The following ATP10A variants were observed in gnomAD, a reference collection of about 807,000 sequenced individuals.
ATP10A encodes ATPase phospholipid transporting 10A (putative), also known as phospholipid-transporting ATPase VA.
Under a neutral mutation model 147.8 loss-of-function variants are expected in ATP10A, and 111 were observed. That is an observed-to-expected ratio of 0.75 (90% CI 0.64 to 0.88). The LOEUF is 0.88. Among genes scored for constraint, ATP10A ranks in the 40% least tolerant of loss-of-function variants. The pLI is 0.00. For missense variants in ATP10A, 1,927 were observed against 1,959.0 expected, an observed-to-expected ratio of 0.98 and a Z score of 0.31; for synonymous variants, 875 against 841.6, an observed-to-expected ratio of 1.04 and a Z score of -0.69.
chr15:25,725,145 G>A (rs974929938), intron 5 of ATP10A, among the ~76,000 whole-genome samples: 16 of 152,142 alleles, frequency 1.1e-4, no homozygotes, highest in African/African-American at 3.1e-4. Flanking sequence ...ACAGGAGCAC[G>A]AACCCTATTG....
rs574704202 is a variant in ATP10A, at chr15:25,690,978, C to T, written c.3165+737G>A. 4.8e-4 allele frequency among the ~76,000 whole-genome samples: 73 copies of T among 152,280 alleles called. No homozygotes were observed. In the South Asian group the frequency reaches 0.015, roughly 31 times the overall value. ...CATCAGCTAAAACTATTAATGAGCTCTGCACAGGCCTGACATGTAGCACAT... is the reference window on the plus strand; with the variant it reads ...CATCAGCTAAAACTATTAATGAGCTTTGCACAGGCCTGACATGTAGCACAT... On this transcript the variant is annotated intron_variant, in intron 15 of 20. Coordinates refer to ENST00000555815, the MANE Select transcript of ATP10A (RefSeq NM_024490.4).
chr15:25,726,452 T>C (rs1902558192), intron 4 of ATP10A, among the ~76,000 whole-genome samples: 1 of 151,450 alleles, frequency 6.6e-6, no homozygotes, highest in South Asian at 2.1e-4. Flanking sequence ...TTTTTCTTTT[T>C]TTTTTTTGAG....
At chr15:25,698,518 T>TAACA (rs57015428) in intron 13 of ATP10A, among the ~76,000 whole-genome samples, 15,558 of 152,192 alleles carry the variant, frequency 0.1, 887 homozygotes, top group South Asian at 0.24. Context: ...GACTATTTGT[T>TAACA]ATCAGTAAGG....
intron 2 of ATP10A, among the ~76,000 whole-genome samples, chr15:25,770,696 G>A (rs1335740477): frequency 1.3e-5 from 2 of 152,154 alleles, no homozygotes; most frequent in Admixed American, 1.3e-4. Flanking sequence ...CGCTCTCACT[G>A]GCATTACTCA....
Position 25,816,928 on chromosome 15 carries a change from T to C in ATP10A, c.450-35705A>G, listed in dbSNP as rs1011867269. Among the ~76,000 whole-genome samples, 3 of 152,056 alleles carry C rather than the reference T, an allele frequency of 2.0e-5. 1 individual carries two copies. Among genetic ancestry groups the C allele is most frequent in the African/African-American group, 7.3e-5 (3 of 41,346 alleles). On this transcript the variant is annotated intron_variant, in intron 1 of 20. Coordinates refer to ENST00000555815, the MANE Select transcript of ATP10A (RefSeq NM_024490.4). ...AAAATTCTGTTGTATCTTACACTCT[T>C]GGCTATAAACGGTGTGGGCCTCTAA...
At chr15:25,829,931 T>C (rs1327290203) in intron 1 of ATP10A, among the ~76,000 whole-genome samples, 3 of 152,134 alleles carry the variant, frequency 2.0e-5, no homozygotes, top group Non-Finnish European at 4.4e-5. Context: ...CAGTCTGCTT[T>C]CTATTGTAAG....
In ATP10A at chr15:25,800,939, G is replaced by A. The variant is rs538944778; in HGVS notation, c.450-19716C>T. 5.9e-5 allele frequency among the ~76,000 whole-genome samples: 9 copies of A among 152,290 alleles called. No homozygotes were observed. The South Asian group carries it at 6.2e-4, about 11-fold the overall frequency. ...CATCTTCCTGGTGTTTGATGAACCC[G>A]CTGTACTAGATGCTGACGCTGCTCC... On this transcript the variant is annotated intron_variant, in intron 1 of 20. Transcript: ENST00000555815.
chr15:25,759,818 A>T (rs961340819), intron 2 of ATP10A, among the ~76,000 whole-genome samples: 5 of 148,718 alleles, frequency 3.4e-5, no homozygotes, highest in Non-Finnish European at 6.0e-5. Context: ...AAAAAAAAAT[A>T]GTGAAAAGTT....
rs113406342 is a variant in ATP10A, at chr15:25,833,988, CA to C, written c.449+28659del. Among the ~76,000 whole-genome samples, 33 of 143,340 alleles carry C rather than the reference CA, an allele frequency of 2.3e-4. 1 individual carries two copies. The Middle Eastern group carries it at 0.018, about 79-fold the overall frequency. 94.0% of individuals were successfully genotyped at this position (143,340 alleles called of 152,430 possible). A position where few individuals can be genotyped will look rare whatever the true frequency, so the allele number is the denominator to read the frequency against. On this transcript the variant is annotated intron_variant, in intron 1 of 20. Transcript: ENST00000555815. Reference sequence around the variant, plus strand: ...CTGTGTCTCAAAAAAAACGAACAAACAAAAAAAAAACAAACTACTCTCTCAG... The same window carrying C: ...CTGTGTCTCAAAAAAAACGAACAAACAAAAAAAAACAAACTACTCTCTCAG...
intron 6 of ATP10A, among the ~76,000 whole-genome samples, chr15:25,722,637 G>A (rs1360755217): frequency 1.3e-5 from 2 of 152,218 alleles, no homozygotes; most frequent in Admixed American, 1.3e-4. Flanking sequence ...ACCAGCTACA[G>A]TCCTAACTCG....
In ATP10A at chr15:25,701,118, C is replaced by T. The variant is rs536058847; in HGVS notation, c.2760+798G>A. 7.2e-5 allele frequency among the ~76,000 whole-genome samples: 11 copies of T among 152,260 alleles called. No homozygotes were observed. The South Asian group carries it at 8.3e-4, about 11-fold the overall frequency. On this transcript the variant is annotated intron_variant, in intron 13 of 20. Coordinates refer to ENST00000555815, the MANE Select transcript of ATP10A (RefSeq NM_024490.4). ...AATGGCGTCTGTACAATGTGGACAA[C>T]GGGGCTTGAAAGGCAGCCTTTCCTA...
At chr15:25,703,939 C>T (rs1237670492) in intron 12 of ATP10A, among the ~76,000 whole-genome samples, 2 of 152,242 alleles carry the variant, frequency 1.3e-5, no homozygotes, top group Non-Finnish European at 2.9e-5. Context: ...ACCTTATAAC[C>T]TGAGTACCCT....
At chr15:25,749,637 C>G (rs766950760) in intron 2 of ATP10A, among the ~76,000 whole-genome samples, 8 of 152,146 alleles carry the variant, frequency 5.3e-5, no homozygotes, top group Non-Finnish European at 8.8e-5. Context: ...AGAAAGAAAA[C>G]TAGGCCCATA....
At chr15:25,714,824 A>G (rs920424983) in intron 9 of ATP10A, among the ~76,000 whole-genome samples, 1 of 152,150 alleles carries the variant, frequency 6.6e-6, no homozygotes, top group East Asian at 1.9e-4. Flanking sequence ...AATTATGTCT[A>G]TAAAAATTTA....
intron 13 of ATP10A, among the ~76,000 whole-genome samples, chr15:25,698,861 C>T (rs1396948810): frequency 1.3e-5 from 2 of 152,028 alleles, no homozygotes; most frequent in Non-Finnish European, 2.9e-5. Context: ...AGTTGAGGAG[C>T]ATCAGTGCTT....
In ATP10A at chr15:25,680,826, A is replaced by T; in HGVS notation, c.3662T>A (p.Ile1221Asn). 6.2e-7 allele frequency: 1 copy of T among 1,613,484 alleles called. No homozygotes were observed. Among genetic ancestry groups the T allele is most frequent in the South Asian group, 1.1e-5 (1 of 91,032 alleles). ...GGCTCTTACCCAGGTTTTGGTTTCAATGCCCAGGTGGAGCAGGAAAGTGAG... is the reference window on the plus strand; with the variant it reads ...GGCTCTTACCCAGGTTTTGGTTTCATTGCCCAGGTGGAGCAGGAAAGTGAG... ...ALLTFLLHLG[I>N]ETKTWTWLNW... The change falls in exon 19 of 21, where the codon ATT becomes AAT. Residue 1221 changes from isoleucine (I) to asparagine (N), a missense_variant. By Grantham distance (149) the Ile-to-Asn change is moderately radical. Transcript: ENST00000555815.
In ATP10A at chr15:25,687,848, C is replaced by T; in HGVS notation, c.3166-20G>A. The T allele has an allele frequency of 6.2e-7, 1 of 1,613,802 alleles. No individual in the cohort carries two copies. The highest frequency in any genetic ancestry group is 1.1e-5 in the South Asian group (1 of 91,066). On this transcript the variant is annotated intron_variant, in intron 15 of 20. Transcript: ENST00000555815. Reference sequence around the variant, plus strand: ...CACTGCCTTCAAAGGGAGAGGGATTCCTGTTACTGGTGATGCCGACCTGGC... The same window carrying T: ...CACTGCCTTCAAAGGGAGAGGGATTTCTGTTACTGGTGATGCCGACCTGGC...
At chr15:25,784,916 C>T (rs369105080) in intron 1 of ATP10A, among the ~76,000 whole-genome samples, 4 of 147,316 alleles carry the variant, frequency 2.7e-5, no homozygotes, top group East Asian at 2.0e-4. Flanking sequence ...AGCGAGACCC[C>T]GTGTCAAAAA....
chr15:25,680,912 G>A lies in ATP10A; in HGVS notation c.3576C>T (p.Ala1192=). The A allele has an allele frequency of 3.7e-6, 6 of 1,614,160 alleles. No individual in the cohort carries two copies. Among genetic ancestry groups the A allele is most frequent in the Non-Finnish European group, 5.1e-6 (6 of 1,180,016 alleles). The change falls in exon 19 of 21, where the codon GCC becomes GCT. Residue 1192 remains alanine, a splice_region_variant and synonymous_variant. Coordinates refer to ENST00000555815, the MANE Select transcript of ATP10A (RefSeq NM_024490.4). ...SLVCFSIPYL[A]YYDSNVDLFT... ...ACAGGTCCACGTTCGAGTCATAGTA[G>A]GCCTGAAAGACAGTGGGGTCCTGGA... is the stretch of plus-strand genomic sequence containing the variant.
Sources: allele counts gnomAD v4.1 joint callset (sites outside exome capture counted in the v4.1 genomes callset), GRCh38; gene constraint gnomAD v4.1.1; transcripts MANE v1.5; gene names NCBI Gene and HGNC (gene_info 2026-07-23, HGNC 2026-07-21).